NUP160: variants seen among roughly 807,000 people sequenced by gnomAD.
NUP160 encodes the protein nuclear pore complex protein Nup160.
A neutral mutation model predicts 196.9 loss-of-function variants in NUP160; 94 were observed. The observed-to-expected ratio is 0.48, with a 90% CI of 0.40 to 0.57. The LOEUF is 0.57. NUP160 is among the 20% of genes least tolerant of loss of function. The pLI is 0.00. For synonymous variants in NUP160, 605 were observed against 619.7 expected (o/e 0.98, Z 0.35); for missense variants, 1,638 against 1,748.3 (o/e 0.94, Z 1.13).
exon 36 of NUP160, chr11:47,779,048 G>T: frequency 8.2e-7 from 1 of 1,218,092 alleles, no homozygotes; most frequent in Non-Finnish European, 1.2e-6. Context: ...TTCCTGTAGG[G>T]TAGTCTTAAG....
chr11:47,808,302 A>C, intron 18 of NUP160, 94 bp downstream of exon 18: 1 of 1,276,902 alleles, frequency 7.8e-7, no homozygotes. Flanking sequence ...ACAAAAACAA[A>C]AACAAAACAC....
chr11:47,807,208 T>A, intron 18 of NUP160, 68 bp from the exon 19 acceptor site: 3 of 957,260 alleles, frequency 3.1e-6, no homozygotes, highest in Non-Finnish European at 5.0e-6. Context: ...TACAAGCTCT[T>A]CTACGAAGAA....
intron 17 of NUP160, among the ~76,000 whole-genome samples, chr11:47,809,719 A>C (rs2097679963): frequency 7.1e-6 from 1 of 141,786 alleles, no homozygotes; most frequent in Admixed American, 7.5e-5. Context: ...AGCCTGGGCT[A>C]CAGAGCAAGA....
At chr11:47,843,860 A>G (rs1459442622) in intron 2 of NUP160, among the ~76,000 whole-genome samples, 1 of 152,152 alleles carries the variant, frequency 6.6e-6, no homozygotes, top group African/African-American at 2.4e-5. Context: ...CTTTAGCCCA[A>G]CTTCTCCACT....
At chr11:47,816,196 G>A (rs992189702) in intron 11 of NUP160, among the ~76,000 whole-genome samples, 167 bp from the exon 12 acceptor site, 13 of 152,184 alleles carry the variant, frequency 8.5e-5, no homozygotes, top group African/African-American at 3.1e-4. Context: ...TATTTAGTCT[G>A]GAGAAAGGTG....
At chr11:47,848,463 T>A in exon 1 of NUP160, 1 of 1,436,538 alleles carries the variant, frequency 7.0e-7, no homozygotes, top group Non-Finnish European at 9.3e-7. Context: ...TTGCGAGGCT[T>A]CCACCGGGAG....
chr11:47,835,939 GTTT>G, intron 6 of NUP160, 130 bp from the exon 7 acceptor site: 1 of 763,586 alleles, frequency 1.3e-6, no homozygotes, highest in Non-Finnish European at 2.0e-6. Context: ...GACCTTACAG[GTTT>G]TTGTTTCAAA....
At chr11:47,802,151 G>C (rs1177574662) in intron 22 of NUP160, among the ~76,000 whole-genome samples, 1 of 152,170 alleles carries the variant, frequency 6.6e-6, no homozygotes, top group Non-Finnish European at 1.5e-5. Context: ...AGTAAACATT[G>C]GCCGGGTGGG....
In NUP160 at chr11:47,813,415, C is replaced by T. The variant is rs760231077; in HGVS notation, c.1687G>A (p.Gly563Arg). ...GAGGGAATAAGGAAAGACAGGTACC[C>T]CTGGAAATACAAATTTTCCAGTTAC... The change falls in exon 14 of 36, where the codon GGG (glycine) becomes AGG (arginine). Residue 563 changes from glycine to arginine, a missense_variant and splice_region_variant. Physicochemically the swap from Gly to Arg is moderately radical, Grantham distance 125. This residue lies in a region of NUP160 where 1,345 missense variants were observed against 1,470.2 expected (regional missense o/e 0.91). Coordinates refer to ENST00000378460, the Ensembl canonical transcript of NUP160. The T allele has an allele frequency of 2.5e-6, 4 of 1,588,906 alleles. No homozygotes were observed. The highest frequency in any genetic ancestry group is 3.5e-6 in the Non-Finnish European group (4 of 1,158,764).
exon 18 of NUP160, chr11:47,808,503 A>C: frequency 6.2e-7 from 1 of 1,614,016 alleles, no homozygotes; most frequent in Non-Finnish European, 8.5e-7. Context: ...GCTGAGCTTG[A>C]AAGAGCTGAC....
intron 34 of NUP160, among the ~76,000 whole-genome samples, chr11:47,782,303 A>AAATT (rs2097661658): frequency 2.5e-5 from 1 of 40,530 alleles, no homozygotes. Context: ...AAAAAAAAAA[A>AAATT]ATATATATAT....
At chr11:47,848,509 G>C (rs111323744), upstream of NUP160, 51 of 1,054,128 alleles carry the variant, frequency 4.8e-5, no homozygotes, top group African/African-American at 5.9e-4. Flanking sequence ...AGAAGAGAAG[G>C]GGGCAGGGGA....
chr11:47,833,358 T>C (rs1852111459), intron 7 of NUP160, among the ~76,000 whole-genome samples: 1 of 151,550 alleles, frequency 6.6e-6, no homozygotes, highest in South Asian at 2.1e-4. Flanking sequence ...TGGAGGCTGA[T>C]GAAGGAGAAT....
chr11:47,844,448 G>T (rs539129177), intron 2 of NUP160, among the ~76,000 whole-genome samples: 1 of 150,348 alleles, frequency 6.7e-6, no homozygotes, highest in South Asian at 2.1e-4. Flanking sequence ...TCTACCCTTT[G>T]TTCACTCAGC....
In NUP160 at chr11:47,800,907, C is replaced by G. The variant is rs1029424101; in HGVS notation, c.2895+904G>C. Among the ~76,000 whole-genome samples, 3 of 152,114 alleles carry G rather than the reference C, an allele frequency of 2.0e-5. 1 individual carries two copies. Among genetic ancestry groups the G allele is most frequent in the Admixed American group, 2.0e-4 (3 of 15,256 alleles). On this transcript the variant is annotated intron_variant, in intron 23 of 35. Transcript: ENST00000378460. ...AAAAAGCTTTTCTGCACAGGCCAGG[C>G]AGAGGGCACTATCTGAGGAGGTGAC...
At chr11:47,787,749 G>A (rs985713566) in intron 31 of NUP160, among the ~76,000 whole-genome samples, 9 of 151,496 alleles carry the variant, frequency 5.9e-5, no homozygotes, top group Non-Finnish European at 1.0e-4. Flanking sequence ...ACAGAGTCTC[G>A]CTCTGTCGCC....
At chr11:47,788,404 G>A (rs1284579786) in intron 30 of NUP160, 97 bp downstream of exon 30, 2 of 1,556,560 alleles carry the variant, frequency 1.3e-6, no homozygotes. Context: ...TAATAACCCA[G>A]GCTTTATACC....
intron 7 of NUP160, among the ~76,000 whole-genome samples, chr11:47,831,156 C>T (rs867034741): frequency 2.1e-5 from 3 of 143,984 alleles, no homozygotes; most frequent in Non-Finnish European, 3.1e-5. Flanking sequence ...GAGCAAGATT[C>T]CATCTCAACA....
chr11:47,792,576 T>G, intron 28 of NUP160: 1 of 481,176 alleles, frequency 2.1e-6, no homozygotes, highest in South Asian at 3.2e-5. Context: ...TCTGCAATAT[T>G]TCTTCCTACA....
Sources: allele counts gnomAD v4.1 joint callset (sites outside exome capture counted in the v4.1 genomes callset), GRCh38; gene constraint gnomAD v4.1.1; regional missense constraint gnomAD v4.1.1; transcripts MANE v1.5; gene names NCBI Gene and HGNC (gene_info 2026-07-23, HGNC 2026-07-21).